CTBP2: variants seen among roughly 807,000 people sequenced by gnomAD.
CTBP2 encodes the protein C-terminal-binding protein 2.
Under a neutral mutation model 80.3 loss-of-function variants are expected in CTBP2, and 30 were observed. That is an observed-to-expected ratio of 0.37 (90% CI 0.28 to 0.51). The LOEUF is 0.51. Among genes scored for constraint, CTBP2 ranks in the 20% least tolerant of loss-of-function variants. The pLI is 0.93. For missense variants in CTBP2, 1,212 were observed against 1,375.3 expected, an observed-to-expected ratio of 0.88 and a Z score of 1.88; for synonymous variants, 594 against 587.4, an observed-to-expected ratio of 1.01 and a Z score of -0.16.
chr10:125,138,313 C>G (rs1009233703), intron 1 of CTBP2: 3 of 152,126 alleles, frequency 2.0e-5, no homozygotes, highest in African/African-American at 7.2e-5. Context: ...CTGGGTGATT[C>G]GAGACTATCC....
At chr10:125,036,347 G>C (rs1293987245) in intron 3 of CTBP2, among the ~76,000 whole-genome samples, 5 of 152,152 alleles carry the variant, frequency 3.3e-5, no homozygotes, top group Non-Finnish European at 2.9e-5. Context: ...CACGACCAGG[G>C]CTTGATGTTG....
At chr10:125,009,151 GGA>G (rs1241999996) in intron 1 of CTBP2, among the ~76,000 whole-genome samples, 2 of 152,206 alleles carry the variant, frequency 1.3e-5, no homozygotes, top group African/African-American at 4.8e-5. Flanking sequence ...GAAAACTGCT[GGA>G]GAGTGTACCC....
intron 2 of CTBP2, among the ~76,000 whole-genome samples, chr10:125,044,512 G>GC (rs1222330598): frequency 6.6e-6 from 1 of 152,254 alleles, no homozygotes; most frequent in African/African-American, 2.4e-5. Context: ...CCAAACTTGT[G>GC]CAACAGATGT....
chr10:125,098,764 G>GACAGAGAGAGAC lies in CTBP2; in HGVS notation c.-102+12225_-102+12226insGTCTCTCTCTGT, dbSNP rs1554925260. Among the ~76,000 whole-genome samples, 2 of 105,388 alleles carry GACAGAGAGAGAC rather than the reference G, an allele frequency of 1.9e-5. 1 individual carries two copies. The highest frequency in any genetic ancestry group is 6.3e-4 in the East Asian group (2 of 3,192). The allele number at this position is 105,388 out of a possible 152,430, so 69.1% of individuals were successfully genotyped here. ...AGAGAGAGAGACAGAGAGAGAGAGAGAGAGAGAGAGAGAGACAGAGAGAGA... is the reference window on the plus strand; with the variant it reads ...AGAGAGAGAGACAGAGAGAGAGAGAGACAGAGAGAGACAGAGAGAGAGAGAGACAGAGAGAGA... On this transcript the variant is annotated intron_variant, in intron 2 of 10. Coordinates refer to the CTBP2 transcript ENST00000337195.
At chr10:125,149,814 G>A (rs2133382962) in intron 1 of CTBP2, among the ~76,000 whole-genome samples, 1 of 152,338 alleles carries the variant, frequency 6.6e-6, no homozygotes, top group South Asian at 2.1e-4. Context: ...TACTCTTCCG[G>A]TGGAGCGGGG....
intron 4 of CTBP2, 179 bp downstream of exon 6, chr10:124,997,785 G>A (rs1953830837): frequency 6.4e-6 from 4 of 622,348 alleles, no homozygotes; most frequent in Non-Finnish European, 8.4e-6. Flanking sequence ...CTGCCTCTAG[G>A]GTGAGTTGCC....
intron 1 of CTBP2, among the ~76,000 whole-genome samples, chr10:125,112,366 G>A (rs1213385194): frequency 6.6e-6 from 1 of 151,184 alleles, no homozygotes; most frequent in African/African-American, 2.4e-5. Context: ...ACTGGCCTGG[G>A]CCTCCCAAAG....
intron 1 of CTBP2, 51 bp from the exon 4 acceptor site, chr10:125,003,543 G>A: frequency 1.4e-6 from 2 of 1,416,792 alleles, no homozygotes; most frequent in Non-Finnish European, 1.9e-6. Flanking sequence ...GGGGCCACAG[G>A]GTGCGTGGAG....
chr10:125,095,201 C>A (rs1367140740), intron 2 of CTBP2, among the ~76,000 whole-genome samples: 3 of 152,162 alleles, frequency 2.0e-5, no homozygotes, highest in Admixed American at 2.0e-4. Flanking sequence ...ACCTAGCAAA[C>A]AGATCTTGGA....
intron 2 of CTBP2, among the ~76,000 whole-genome samples, chr10:125,062,457 A>ACCC (rs11281141): frequency 6.6e-6 from 1 of 151,728 alleles, no homozygotes; most frequent in African/African-American, 2.4e-5. Flanking sequence ...ACGTGGGGAC[A>ACCC]ACTCTGAAGG....
At chr10:125,009,290 G>A (rs1234913080) in intron 1 of CTBP2, among the ~76,000 whole-genome samples, 4 of 152,200 alleles carry the variant, frequency 2.6e-5, no homozygotes, top group African/African-American at 9.7e-5. Context: ...ATCAGCCCCT[G>A]TGACCTGCAG....
chr10:125,051,227 T>C (rs1463799241), intron 2 of CTBP2, among the ~76,000 whole-genome samples: 2 of 152,204 alleles, frequency 1.3e-5, no homozygotes, highest in Non-Finnish European at 2.9e-5. Context: ...AAACGGTACA[T>C]GGAGACCCTT....
intron 2 of CTBP2, among the ~76,000 whole-genome samples, chr10:125,070,727 G>A (rs1329021369): frequency 6.6e-6 from 1 of 152,066 alleles, no homozygotes; most frequent in African/African-American, 2.4e-5. Context: ...GTGCAGTGGT[G>A]TGATCTCAGC....
intron 1 of CTBP2, among the ~76,000 whole-genome samples, chr10:125,159,365 G>A (rs1861531678): frequency 6.8e-6 from 1 of 146,870 alleles, no homozygotes; most frequent in Admixed American, 6.7e-5. Context: ...AGGAGGAAGT[G>A]GTGCCCGCGG....
At chr10:125,067,509 C>T (rs183360823) in intron 2 of CTBP2, among the ~76,000 whole-genome samples, 9 of 152,298 alleles carry the variant, frequency 5.9e-5, no homozygotes, top group Admixed American at 5.2e-4. Flanking sequence ...ATGTAACCTT[C>T]TAGACGTTTC....
Position 124,985,947 on chromosome 10 carries a change from G to A in CTBP2, c.*3571C>T, listed in dbSNP as rs539146743. ...AATCTTGTTAGAAGGGCATGCCTTT[G>A]CTTAGGCAGATTGGGAATACCAATT... On this transcript the variant is annotated 3_prime_UTR_variant, in exon 9 of 9. Coordinates refer to ENST00000309035, the MANE Select transcript of CTBP2 (RefSeq NM_022802.3). The A allele has an allele frequency of 6.6e-6, 1 of 152,336 alleles. No individual in the cohort carries two copies. The highest frequency in any genetic ancestry group is 2.1e-4 in the South Asian group (1 of 4,832). 9.4% of individuals were successfully genotyped at this position (152,336 alleles called of 1,614,324 possible). A position where few individuals can be genotyped will look rare whatever the true frequency, so the allele number is the denominator to read the frequency against.
rs1312776330 is a variant in CTBP2, at chr10:124,988,625, G to C, written c.*893C>G. On this transcript the variant is annotated 3_prime_UTR_variant, in exon 9 of 9. Transcript: ENST00000309035. ...AATCTAATAGGATTTGTTAAAATCAGTCACATCTAATACATCTGAAGTGTT... is the reference window on the plus strand; with the variant it reads ...AATCTAATAGGATTTGTTAAAATCACTCACATCTAATACATCTGAAGTGTT... 6.6e-6 allele frequency: 1 copy of C among 152,434 alleles called. No homozygotes were observed. The highest frequency in any genetic ancestry group is 1.5e-5 in the Non-Finnish European group (1 of 68,022). 9.4% of individuals were successfully genotyped at this position (152,434 alleles called of 1,614,324 possible). A position where few individuals can be genotyped will look rare whatever the true frequency, so the allele number is the denominator to read the frequency against.
chr10:125,161,715 A>G (rs1210570965), upstream of CTBP2, among the ~76,000 whole-genome samples: 3 of 143,112 alleles, frequency 2.1e-5, no homozygotes, highest in Admixed American at 7.0e-5. Context: ...TTACACATTG[A>G]AAAAAAAAAA....
intron 2 of CTBP2, among the ~76,000 whole-genome samples, chr10:125,098,682 G>GAC (rs1850005299): frequency 1.5e-4 from 20 of 137,870 alleles, no homozygotes; most frequent in South Asian, 5.0e-4. Flanking sequence ...GAGAGAGAGA[G>GAC]AGAGAGAGAG....
Sources: gnomAD v4.1 joint callset for allele counts (sites outside exome capture counted in the v4.1 genomes callset) on GRCh38, gnomAD v4.1.1 for gene constraint, MANE v1.5 for transcripts, NCBI Gene and HGNC (gene_info 2026-07-23, HGNC 2026-07-21) for gene names.